UNC5B: variants seen among roughly 807,000 people sequenced by gnomAD.
UNC5B encodes the protein unc-5 netrin receptor B, also known as netrin receptor UNC5B.
Under a neutral mutation model 103.7 loss-of-function variants are expected in UNC5B, and 56 were observed. That is an observed-to-expected ratio of 0.54 (90% CI 0.44 to 0.67). The LOEUF (loss-of-function observed/expected upper bound fraction) is 0.67. Among genes scored for constraint, UNC5B ranks in the 30% least tolerant of loss-of-function variants. The probability of loss-of-function intolerance (pLI) is 0.00; values close to 1 mark genes in which losing one functional copy is unlikely to be tolerated. For synonymous variants in UNC5B, 577 were observed against 542.0 expected (o/e 1.06, Z -0.90); for missense variants, 1,194 against 1,284.5 (o/e 0.93, Z 1.08).
At chr10:71,237,316 T>C (rs1843794206) in intron 1 of UNC5B, among the ~76,000 whole-genome samples, 1 of 152,178 alleles carries the variant, frequency 6.6e-6, no homozygotes, top group Non-Finnish European at 1.5e-5. Context: ...GTTTAGCCCA[T>C]GTGAGCCTCG....
chr10:71,257,367 A>G (rs1235721503), intron 1 of UNC5B, among the ~76,000 whole-genome samples: 1 of 152,240 alleles, frequency 6.6e-6, no homozygotes, highest in Non-Finnish European at 1.5e-5. Context: ...AGCCGAAGGG[A>G]AGAAGAGACG....
intron 2 of UNC5B, among the ~76,000 whole-genome samples, chr10:71,283,968 C>T (rs1844996813): frequency 6.6e-6 from 1 of 152,198 alleles, no homozygotes; most frequent in Admixed American, 6.5e-5. Flanking sequence ...CAGCAGCAAG[C>T]AGGACAAAGC....
chr10:71,299,324 A>C lies in UNC5B; in HGVS notation c.*47A>C. 1 of 1,606,056 alleles carries C rather than the reference A, an allele frequency of 6.2e-7. No individual in the cohort carries two copies. The highest frequency in any genetic ancestry group is 8.5e-7 in the Non-Finnish European group (1 of 1,176,974). ...GCAGGGACTGGCAGGAGGCAGGTGC[A>C]GGGAGGCCTGGGGCAGCCTCCTGAT... On this transcript the variant is annotated 3_prime_UTR_variant, in exon 17 of 17. Coordinates refer to ENST00000335350, the MANE Select transcript of UNC5B (RefSeq NM_170744.5).
At chr10:71,283,213 A>AG (rs2132301614) in intron 2 of UNC5B, among the ~76,000 whole-genome samples, 1 of 152,282 alleles carries the variant, frequency 6.6e-6, no homozygotes, top group Admixed American at 6.5e-5. Context: ...ACAGCTTGCT[A>AG]GGGGACTTGG....
chr10:71,279,765 G>T, intron 1 of UNC5B, 56 bp from the exon 2 acceptor site: 3 of 1,556,814 alleles, frequency 1.9e-6, no homozygotes, highest in Non-Finnish European at 2.6e-6. Flanking sequence ...TGGGCGAGGG[G>T]TGCCACAGGG....
At chr10:71,268,168 A>G (rs1844562735) in intron 1 of UNC5B, among the ~76,000 whole-genome samples, 1 of 152,204 alleles carries the variant, frequency 6.6e-6, no homozygotes, top group Non-Finnish European at 1.5e-5. Flanking sequence ...CCCAGTTCCA[A>G]GGACCCCTTC....
intron 1 of UNC5B, among the ~76,000 whole-genome samples, chr10:71,252,663 T>G (rs1168656131): frequency 6.6e-6 from 1 of 152,226 alleles, no homozygotes; most frequent in Non-Finnish European, 1.5e-5. Flanking sequence ...GCATCATTTC[T>G]CCCATCTTAT....
intron 1 of UNC5B, among the ~76,000 whole-genome samples, chr10:71,258,196 G>A (rs1378269445): frequency 4.6e-5 from 7 of 152,172 alleles, no homozygotes; most frequent in Admixed American, 1.3e-4. Flanking sequence ...TCTATCCTGC[G>A]GATGTTGGGC....
intron 1 of UNC5B, among the ~76,000 whole-genome samples, chr10:71,245,571 G>A (rs565798559): frequency 6.6e-6 from 1 of 152,166 alleles, no homozygotes; most frequent in African/African-American, 2.4e-5. Context: ...GGGAGGCAAA[G>A]GGGTGGATTC....
intron 5 of UNC5B, 100 bp downstream of exon 5, chr10:71,286,969 C>G: frequency 6.8e-7 from 1 of 1,467,698 alleles, no homozygotes; most frequent in Admixed American, 2.0e-5. Context: ...AGGATGCAGC[C>G]CAGAGAGGGG....
At chr10:71,279,570 C>G (rs1442790868) in intron 1 of UNC5B, among the ~76,000 whole-genome samples, 1 of 152,216 alleles carries the variant, frequency 6.6e-6, no homozygotes, top group Non-Finnish European at 1.5e-5. Context: ...AGTACAGTCA[C>G]ACAGCATTGC....
chr10:71,214,488 G>A (rs760490004), intron 1 of UNC5B, among the ~76,000 whole-genome samples: 4 of 152,172 alleles, frequency 2.6e-5, no homozygotes, highest in Non-Finnish European at 2.9e-5. Context: ...GGGAAGGCAG[G>A]CTGCTGAATG....
rs1014484816 is a variant in UNC5B, at chr10:71,299,978, A to C, written c.*701A>C. Reference sequence around the variant, plus strand: ...AAAAAAATAGAAAACTCTTTTCTTGAGTGTGGATGAGAATGGGCACGCTCA... The same window carrying C: ...AAAAAAATAGAAAACTCTTTTCTTGCGTGTGGATGAGAATGGGCACGCTCA... On this transcript the variant is annotated 3_prime_UTR_variant, in exon 17 of 17. Transcript: ENST00000335350. 1 of 151,568 alleles carries C rather than the reference A, an allele frequency of 6.6e-6. No homozygotes were observed. Among genetic ancestry groups the C allele is most frequent in the Non-Finnish European group, 1.5e-5 (1 of 68,026 alleles). 9.4% of individuals were successfully genotyped at this position (151,568 alleles called of 1,614,324 possible). A position where few individuals can be genotyped will look rare whatever the true frequency, so the allele number is the denominator to read the frequency against.
At position 71,213,372 on chromosome 10, in the gene UNC5B, G is replaced by C. The variant is rs559266028; in HGVS notation, c.79+308G>C. 6.6e-6 allele frequency among the ~76,000 whole-genome samples: 1 copy of C among 152,266 alleles called. No homozygotes were observed. Among genetic ancestry groups the C allele is most frequent in the Non-Finnish European group, 1.5e-5 (1 of 68,024 alleles). On this transcript the variant is annotated intron_variant, in intron 1 of 16. Coordinates refer to ENST00000335350, the MANE Select transcript of UNC5B (RefSeq NM_170744.5). The surrounding 1 kb of genome is among the most constrained non-coding windows in gnomAD (Gnocchi z 4.1). ...GAGTCTCCGGGAGGATCCGCCTCCTGGGGACGCCCGGCTCTCCGCGCGCCT... is the reference window on the plus strand; with the variant it reads ...GAGTCTCCGGGAGGATCCGCCTCCTCGGGACGCCCGGCTCTCCGCGCGCCT...
At chr10:71,247,081 G>A (rs1309443865) in intron 1 of UNC5B, among the ~76,000 whole-genome samples, 1 of 152,198 alleles carries the variant, frequency 6.6e-6, no homozygotes, top group Non-Finnish European at 1.5e-5. Context: ...ACCAAATGAG[G>A]AAGTGCATGA....
At chr10:71,276,714 G>A (rs903256468) in intron 1 of UNC5B, among the ~76,000 whole-genome samples, 67 of 152,202 alleles carry the variant, frequency 4.4e-4, no homozygotes, top group African/African-American at 1.4e-3. Context: ...GATTACAGGC[G>A]TGAGCCACTG....
At chr10:71,242,118 G>A (rs925479640) in intron 1 of UNC5B, among the ~76,000 whole-genome samples, 2 of 152,168 alleles carry the variant, frequency 1.3e-5, no homozygotes, top group Non-Finnish European at 2.9e-5. Context: ...AGTGCAGTGG[G>A]GAGAGGACAT....
Position 71,293,902 on chromosome 10 carries a change from A to G in UNC5B, c.2144A>G (p.Tyr715Cys), listed in dbSNP as rs756777970. The G allele has an allele frequency of 8.1e-6, 13 of 1,604,054 alleles. No homozygotes were observed. In the African/African-American group the frequency reaches 1.1e-4, roughly 13 times the overall value. The change falls in exon 13 of 17, where the codon TAC becomes TGC. Residue 715 changes from tyrosine (Y) to cysteine (C), a missense_variant. Physicochemically the swap from Tyr to Cys is radical, Grantham distance 194. Transcript: ENST00000335350. ...CTSLEYSLRV[Y>C]CLEDTPVALK... ...TCCCTGGAGTACAGCCTCCGGGTCT[A>G]CTGCCTGGAGGACACGCCTGTAGCA...
chr10:71,284,662 T>C, intron 2 of UNC5B, 58 bp from the exon 3 acceptor site: 1 of 1,605,778 alleles, frequency 6.2e-7, no homozygotes, highest in South Asian at 1.1e-5. Flanking sequence ...GGGGGTGTCC[T>C]GTGCCTCACA....
Sources: allele counts gnomAD v4.1 joint callset (sites outside exome capture counted in the v4.1 genomes callset), GRCh38; gene constraint gnomAD v4.1.1; non-coding constraint Gnocchi (gnomAD v3.1); transcripts MANE v1.5; gene names NCBI Gene and HGNC (gene_info 2026-07-23, HGNC 2026-07-21).